The following SCUBE2 variants were observed in gnomAD, a reference collection of about 807,000 sequenced individuals.
The protein encoded by SCUBE2 is signal peptide, CUB and EGF-like domain-containing protein 2.
Under a neutral mutation model 125.9 loss-of-function variants are expected in SCUBE2, and 114 were observed. The observed-to-expected ratio is 0.91, with a 90% CI of 0.78 to 1.06. The LOEUF is 1.06. SCUBE2 is among the 50% of genes least tolerant of loss of function. The probability of loss-of-function intolerance (pLI) is 0.00; values close to 1 mark genes in which losing one functional copy is unlikely to be tolerated. For synonymous variants in SCUBE2, 459 were observed against 492.9 expected (o/e 0.93, Z 0.91); for missense variants, 1,255 against 1,301.8 (o/e 0.96, Z 0.55).
intron 19 of SCUBE2, among the ~76,000 whole-genome samples, chr11:9,029,660 A>G (rs1448302210): frequency 2.0e-5 from 3 of 152,236 alleles, no homozygotes; most frequent in Admixed American, 1.3e-4. Flanking sequence ...TACAGCTTGT[A>G]AGTGTGCCTG....
chr11:9,069,495 T>C lies in SCUBE2; in HGVS notation c.518A>G (p.Glu173Gly), dbSNP rs760445612. 51 of 1,614,110 alleles carry C rather than the reference T, an allele frequency of 3.2e-5. No homozygotes were observed. In the Middle Eastern group the frequency reaches 9.9e-4, roughly 31 times the overall value. ...NQHTCIHRSE[E>G]GLSCMNKDHG... is the part of the protein sequence containing the mutation. The stretch of plus-strand genomic sequence containing the variant: ...ATCCTTATTCATGCAGCTCAGGCCC[T>C]CTGAAAAACAGCAGTGTGCGACAGG... The change falls in exon 5 of 23, where the codon GAG (glutamate) becomes GGG (glycine). Residue 173 changes from glutamate (E) to glycine (G), a missense_variant and splice_region_variant. This residue lies in a region of SCUBE2 where 362 missense variants were observed against 323.0 expected (regional missense o/e 1.12). Transcript: ENST00000649792.
chr11:9,024,075 C>T (rs1311921076), intron 21 of SCUBE2: 14 of 341,128 alleles, frequency 4.1e-5, no homozygotes, highest in Non-Finnish European at 5.8e-5. Context: ...TCCAACTATT[C>T]TCTACTGTGA....
At chr11:9,036,289 G>GACTT (rs1178299229) in intron 16 of SCUBE2, among the ~76,000 whole-genome samples, 3 of 152,212 alleles carry the variant, frequency 2.0e-5, no homozygotes, top group African/African-American at 7.2e-5. Flanking sequence ...TATAATTCCA[G>GACTT]ACTTCTTCTC....
At chr11:9,054,725 A>ATATATATATATTTT (rs1368153935) in intron 10 of SCUBE2, among the ~76,000 whole-genome samples, 1 of 22,344 alleles carries the variant, frequency 4.5e-5, no homozygotes, top group African/African-American at 2.1e-4. Context: ...ATATATATAT[A>ATATATATATATTTT]TTTTTTTTTT....
chr11:9,080,630 C>G (rs1047878376), intron 2 of SCUBE2, among the ~76,000 whole-genome samples: 1 of 145,378 alleles, frequency 6.9e-6, no homozygotes, highest in Admixed American at 7.0e-5. Context: ...GCCTGGGTGA[C>G]AGAGCAAGAC....
chr11:9,056,887 A>C (rs1443248077), intron 9 of SCUBE2, among the ~76,000 whole-genome samples: 1 of 152,242 alleles, frequency 6.6e-6, no homozygotes, highest in Admixed American at 6.5e-5. Context: ...AAACTATGTT[A>C]ATAAAAGGCA....
chr11:9,054,840 A>G (rs1384701438), intron 10 of SCUBE2, among the ~76,000 whole-genome samples: 1 of 145,196 alleles, frequency 6.9e-6, no homozygotes, highest in African/African-American at 2.6e-5. Flanking sequence ...GGTTCAAGCA[A>G]TTTTCCTGCC....
At chr11:9,040,309 T>TA (rs1173686294) in intron 16 of SCUBE2, among the ~76,000 whole-genome samples, 1 of 152,198 alleles carries the variant, frequency 6.6e-6, no homozygotes, top group African/African-American at 2.4e-5. Context: ...CATATTATAA[T>TA]AAAAAGTTAT....
At position 9,086,587 on chromosome 11, in the gene SCUBE2, T is replaced by A. The variant is rs547224434; in HGVS notation, c.256+3120A>T. 1.4e-3 allele frequency among the ~76,000 whole-genome samples: 219 copies of A among 151,884 alleles called. 1 individual carries two copies. Among genetic ancestry groups the A allele is most frequent in the African/African-American group, 4.9e-3 (204 of 41,410 alleles). On this transcript the variant is annotated intron_variant, in intron 2 of 22. Coordinates refer to ENST00000649792, the MANE Select transcript of SCUBE2 (RefSeq NM_001367977.2). ...GGACATCCTGGCCGGGCGCAGTGGC[T>A]CACGCCTATAATCCCAGCACTTTGG...
chr11:9,079,175 C>G (rs142659507), intron 3 of SCUBE2, among the ~76,000 whole-genome samples: 3 of 152,356 alleles, frequency 2.0e-5, no homozygotes, highest in Non-Finnish European at 2.9e-5. Flanking sequence ...TGTCACCCAT[C>G]TCCTTGGACT....
intron 10 of SCUBE2, among the ~76,000 whole-genome samples, chr11:9,054,251 C>T (rs1004761138): frequency 6.6e-6 from 1 of 152,088 alleles, no homozygotes; most frequent in Non-Finnish European, 1.5e-5. Flanking sequence ...CCTGCCTTGG[C>T]CTCCCAAAGT....
At chr11:9,048,130 A>G in intron 14 of SCUBE2, 32 bp from the exon 15 acceptor site, 3 of 1,591,860 alleles carry the variant, frequency 1.9e-6, no homozygotes, top group Non-Finnish European at 2.6e-6. Context: ...TCGGAAGCCA[A>G]ATCCTGGCAA....
In SCUBE2 at chr11:9,089,827, C is replaced by T. The variant is rs573288758; in HGVS notation, c.136G>A (p.Val46Ile). 398 of 1,613,588 alleles carry T rather than the reference C, an allele frequency of 2.5e-4. 4 individuals carry two copies. The South Asian group carries it at 4.2e-3, about 17-fold the overall frequency. The change falls in exon 2 of 23, where the codon GTA (valine) becomes ATA (isoleucine). Residue 46 changes from valine (V) to isoleucine (I), a missense_variant and splice_region_variant. By Grantham distance (29) the Val-to-Ile change is conservative. Around this residue, in one of 3 missense-constraint regions of SCUBE2, gnomAD observed 362 missense variants for 323.0 expected, o/e 1.12. Coordinates refer to ENST00000649792, the MANE Select transcript of SCUBE2 (RefSeq NM_001367977.2). Reference sequence around the variant, plus strand: ...TCTAGCCCTTGGGCACACTCATCTACATCTGCAAAAGAGCACAGCTGACAC... The same window carrying T: ...TCTAGCCCTTGGGCACACTCATCTATATCTGCAAAAGAGCACAGCTGACAC... ...RGRAAGPQED[V>I]DECAQGLDDC...
intron 16 of SCUBE2, among the ~76,000 whole-genome samples, chr11:9,045,648 C>CAT (rs1857654528): frequency 6.8e-6 from 1 of 147,788 alleles, no homozygotes; most frequent in African/African-American, 2.5e-5. Context: ...CACACACACA[C>CAT]ACACACAGCC....
Sources: gnomAD v4.1 joint callset for allele counts (sites outside exome capture counted in the v4.1 genomes callset) on GRCh38, gnomAD v4.1.1 for gene constraint, gnomAD v4.1.1 regional missense constraint, MANE v1.5 for transcripts, NCBI Gene and HGNC (gene_info 2026-07-23, HGNC 2026-07-21) for gene names.